Variants in BAIAP2L1 observed in about 807,000 individuals in gnomAD.
BAIAP2L1 encodes BAR/IMD domain containing adaptor protein 2 like 1.
BAIAP2L1 carries 35 observed loss-of-function variants against 66.3 expected under a neutral mutation model. The observed-to-expected ratio is 0.53, with a 90% CI of 0.40 to 0.70. The LOEUF (loss-of-function observed/expected upper bound fraction) is 0.70. Ranked by LOEUF, BAIAP2L1 falls within the 30% of genes least tolerant of loss-of-function variation. The pLI is 0.00. For synonymous variants in BAIAP2L1, 269 were observed against 248.7 expected (o/e 1.08, Z -0.77); for missense variants, 622 against 656.9 (o/e 0.95, Z 0.58).
chr7:98,399,365 A>C (rs1052763761), intron 1 of BAIAP2L1, among the ~76,000 whole-genome samples: 1 of 152,204 alleles, frequency 6.6e-6, no homozygotes, highest in African/African-American at 2.4e-5. Flanking sequence ...ATACATAACA[A>C]AAATGTTCAT....
chr7:98,350,235 CCT>C (rs1318406937), intron 3 of BAIAP2L1, among the ~76,000 whole-genome samples: 2 of 152,120 alleles, frequency 1.3e-5, no homozygotes, highest in South Asian at 2.1e-4. Flanking sequence ...CTCTATTCCC[CCT>C]GTTTTCAACC....
chr7:98,333,801 T>A (rs1174874296), intron 3 of BAIAP2L1, among the ~76,000 whole-genome samples: 2 of 114,498 alleles, frequency 1.7e-5, no homozygotes, highest in Admixed American at 2.7e-4. Flanking sequence ...CTGTACCCAA[T>A]CCCAGTACTC....
chr7:98,352,807 T>C (rs993297040), intron 3 of BAIAP2L1, among the ~76,000 whole-genome samples: 2 of 152,178 alleles, frequency 1.3e-5, no homozygotes, highest in East Asian at 3.9e-4. Context: ...AACTCACGAC[T>C]GACTCAAGTA....
intron 2 of BAIAP2L1, among the ~76,000 whole-genome samples, chr7:98,356,305 T>C (rs1040443675): frequency 6.6e-6 from 1 of 152,050 alleles, no homozygotes; most frequent in Non-Finnish European, 1.5e-5. Flanking sequence ...GCCTGGTTAG[T>C]GTAATTTTGG....
At chr7:98,340,531 C>G (rs865794333) in intron 3 of BAIAP2L1, among the ~76,000 whole-genome samples, 13 of 152,126 alleles carry the variant, frequency 8.5e-5, no homozygotes, top group Admixed American at 3.3e-4. Context: ...TCGTGATCCA[C>G]CCGCCTCGGC....
At chr7:98,348,087 G>GT (rs965884184) in intron 3 of BAIAP2L1, among the ~76,000 whole-genome samples, 2 of 151,926 alleles carry the variant, frequency 1.3e-5, no homozygotes, top group Non-Finnish European at 2.9e-5. Context: ...GTATATCTAT[G>GT]TAACAAACCT....
intron 3 of BAIAP2L1, among the ~76,000 whole-genome samples, chr7:98,335,550 A>C (rs1801599641): frequency 6.6e-6 from 1 of 152,240 alleles, no homozygotes; most frequent in South Asian, 2.1e-4. Context: ...GATTTCAAGA[A>C]AGCCCAGATA....
At chr7:98,322,565 T>C (rs900576101) in intron 3 of BAIAP2L1, among the ~76,000 whole-genome samples, 1 of 152,178 alleles carries the variant, frequency 6.6e-6, no homozygotes, top group African/African-American at 2.4e-5. Context: ...GTCTCTTCCC[T>C]GCCCAGGAGA....
At chr7:98,392,555 G>C (rs1803071811) in intron 1 of BAIAP2L1, among the ~76,000 whole-genome samples, 3 of 152,260 alleles carry the variant, frequency 2.0e-5, no homozygotes, top group African/African-American at 7.2e-5. Flanking sequence ...ACAGATCTGT[G>C]CAAAGCTTTG....
At chr7:98,365,522 G>A (rs1802372895) in intron 1 of BAIAP2L1, among the ~76,000 whole-genome samples, 1 of 152,216 alleles carries the variant, frequency 6.6e-6, no homozygotes, top group African/African-American at 2.4e-5. Flanking sequence ...CCAGGATGGA[G>A]TGCAGTGGTG....
intron 1 of BAIAP2L1, among the ~76,000 whole-genome samples, chr7:98,399,714 T>C (rs568242277): frequency 2.0e-5 from 3 of 152,346 alleles, no homozygotes; most frequent in Non-Finnish European, 4.4e-5. Context: ...TGGAATTCAT[T>C]TGTAAGTATG....
At chr7:98,298,790 C>T (rs997684220) in intron 12 of BAIAP2L1, among the ~76,000 whole-genome samples, 10 of 152,132 alleles carry the variant, frequency 6.6e-5, no homozygotes, top group Admixed American at 5.9e-4. Flanking sequence ...AATTCCAGGA[C>T]TGTGTCCCCA....
At chr7:98,333,547 T>G (rs1801548323) in intron 3 of BAIAP2L1, among the ~76,000 whole-genome samples, 1 of 151,828 alleles carries the variant, frequency 6.6e-6, no homozygotes, top group Admixed American at 6.6e-5. Context: ...TACAGTGAGC[T>G]GAGGTCATGG....
chr7:98,294,035 A>G lies in BAIAP2L1; in HGVS notation c.1460+39T>C, dbSNP rs114306991. On this transcript the variant is annotated intron_variant, in intron 13 of 13. Coordinates refer to ENST00000005260, the MANE Select transcript of BAIAP2L1 (RefSeq NM_018842.5). ...CCGGGGGACACTACAGGGAAGAGCA[A>G]TGTCACACACTGAGGCTCACGTAGG... 1.1e-3 allele frequency: 1,804 copies of G among 1,608,074 alleles called. 17 individuals are homozygous for G. The African/African-American group carries it at 0.021, about 19-fold the overall frequency.
intron 1 of BAIAP2L1, among the ~76,000 whole-genome samples, chr7:98,368,805 AT>A (rs35390626): frequency 3.5e-4 from 52 of 147,676 alleles, no homozygotes; most frequent in African/African-American, 4.0e-4. Context: ...ATCACTTTTT[AT>A]TTTTTTTTTT....
chr7:98,307,416 T>C, intron 10 of BAIAP2L1: 1 of 1,282,442 alleles, frequency 7.8e-7, no homozygotes, highest in Non-Finnish European at 9.9e-7. Flanking sequence ...AATGCTAAAT[T>C]TTTTTTAAAA....
intron 1 of BAIAP2L1, among the ~76,000 whole-genome samples, chr7:98,392,706 C>T (rs1803073849): frequency 6.6e-6 from 1 of 152,090 alleles, no homozygotes; most frequent in African/African-American, 2.4e-5. Flanking sequence ...AGAAAACTGA[C>T]ATGGGGATAT....
intron 3 of BAIAP2L1, among the ~76,000 whole-genome samples, chr7:98,320,628 C>A (rs1456876007): frequency 6.6e-6 from 1 of 152,100 alleles, no homozygotes. Flanking sequence ...AGCCGCCGCG[C>A]CAGGCCCATT....
At chr7:98,355,811 C>G (rs939970763) in intron 2 of BAIAP2L1, among the ~76,000 whole-genome samples, 2 of 152,164 alleles carry the variant, frequency 1.3e-5, no homozygotes, top group African/African-American at 4.8e-5. Context: ...CACTCCAGGT[C>G]TGCAACATTC....
Sources: allele counts gnomAD v4.1 joint callset (sites outside exome capture counted in the v4.1 genomes callset), GRCh38; gene constraint gnomAD v4.1.1; transcripts MANE v1.5; gene names NCBI Gene and HGNC (gene_info 2026-07-23, HGNC 2026-07-21).